DPP10: variants seen among roughly 807,000 people sequenced by gnomAD.
DPP10 encodes the protein inactive dipeptidyl peptidase 10.
Under a neutral mutation model 120.9 loss-of-function variants are expected in DPP10, and 33 were observed. The observed-to-expected ratio is 0.27, with a 90% CI of 0.21 to 0.37. The LOEUF (loss-of-function observed/expected upper bound fraction) is 0.37. DPP10 is among the 10% of genes least tolerant of loss of function. DPP10 has a pLI of 1.00. For synonymous variants in DPP10, 337 were observed against 326.1 expected (o/e 1.03, Z -0.36); for missense variants, 816 against 942.8 (o/e 0.87, Z 1.76).
At chr2:114,723,907 G>A (rs1024576773) in intron 1 of DPP10, among the ~76,000 whole-genome samples, 65 of 152,226 alleles carry the variant, frequency 4.3e-4, no homozygotes, top group African/African-American at 1.5e-3. Context: ...GGAAGTCACA[G>A]ACTTCAGCCC....
At chr2:115,781,759 G>A (rs560188903) in intron 16 of DPP10, among the ~76,000 whole-genome samples, 288 of 151,486 alleles carry the variant, frequency 1.9e-3, no homozygotes, top group Middle Eastern at 0.017. Flanking sequence ...AATGACACCA[G>A]GAAAAAAAAA....
chr2:115,535,210 T>C (rs886619948), intron 5 of DPP10, among the ~76,000 whole-genome samples: 2 of 151,886 alleles, frequency 1.3e-5, no homozygotes, highest in South Asian at 2.1e-4. Flanking sequence ...TGAATGGTAT[T>C]GCCTAGGTTT....
chr2:114,690,665 A>G (rs898895481), intron 1 of DPP10, among the ~76,000 whole-genome samples: 32 of 152,112 alleles, frequency 2.1e-4, no homozygotes, highest in African/African-American at 6.8e-4. Flanking sequence ...TCTATAAATT[A>G]CTTTGGGTAG....
At chr2:115,466,939 A>C (rs1013115125) in intron 3 of DPP10, among the ~76,000 whole-genome samples, 1 of 151,972 alleles carries the variant, frequency 6.6e-6, no homozygotes, top group Non-Finnish European at 1.5e-5. Flanking sequence ...TCTACCATTC[A>C]TTTTCTTTGA....
intron 3 of DPP10, among the ~76,000 whole-genome samples, chr2:115,492,052 AAAT>A (rs1265594216): frequency 6.6e-6 from 1 of 152,162 alleles, no homozygotes; most frequent in Non-Finnish European, 1.5e-5. Flanking sequence ...ATGCATTTCT[AAAT>A]AACGTCACAA....
chr2:115,177,455 TA>T, intron 1 of DPP10, among the ~76,000 whole-genome samples: 1 of 152,156 alleles, frequency 6.6e-6, no homozygotes, highest in African/African-American at 2.4e-5. Flanking sequence ...CTTCCAATTT[TA>T]AATAAAACAC....
intron 1 of DPP10, among the ~76,000 whole-genome samples, chr2:115,011,160 T>C (rs1355803554): frequency 6.6e-6 from 1 of 152,230 alleles, no homozygotes; most frequent in Non-Finnish European, 1.5e-5. Context: ...TAATTTTAAA[T>C]GTTTTAGATT....
At chr2:114,503,515 G>T (rs72951812) in intron 1 of DPP10, among the ~76,000 whole-genome samples, 7,339 of 152,228 alleles carry the variant, frequency 0.048, 599 homozygotes, top group African/African-American at 0.16. Context: ...GCATACTGAA[G>T]TGAAAGTCAG....
intron 1 of DPP10, among the ~76,000 whole-genome samples, chr2:114,718,116 C>A (rs1701472592): frequency 1.3e-5 from 2 of 151,576 alleles, no homozygotes; most frequent in Non-Finnish European, 2.9e-5. Flanking sequence ...CATAGTTCAA[C>A]ATAAAAATGA....
intron 1 of DPP10, among the ~76,000 whole-genome samples, chr2:114,921,384 C>T (rs977543836): frequency 6.6e-6 from 1 of 152,122 alleles, no homozygotes; most frequent in East Asian, 1.9e-4. Context: ...TTGTATAAAA[C>T]ACATGGGTAA....
chr2:114,515,701 G>A (rs1684537553), intron 1 of DPP10, among the ~76,000 whole-genome samples: 1 of 151,980 alleles, frequency 6.6e-6, no homozygotes, highest in Admixed American at 6.6e-5. Flanking sequence ...ATTAAAAATG[G>A]CTCTCCTCTT....
intron 5 of DPP10, among the ~76,000 whole-genome samples, chr2:115,671,577 A>G (rs2089871687): frequency 6.6e-6 from 1 of 151,996 alleles, no homozygotes; most frequent in Non-Finnish European, 1.5e-5. Flanking sequence ...AAAATATATT[A>G]TTAAAATAAA....
chr2:114,786,077 A>G (rs1682742489), intron 1 of DPP10, among the ~76,000 whole-genome samples: 1 of 152,228 alleles, frequency 6.6e-6, no homozygotes, highest in South Asian at 2.1e-4. Context: ...GAACAAGAGC[A>G]GCAGCTTAAT....
intron 5 of DPP10, among the ~76,000 whole-genome samples, chr2:115,597,775 A>G (rs1171257017): frequency 2.0e-5 from 3 of 151,998 alleles, no homozygotes; most frequent in Non-Finnish European, 4.4e-5. Context: ...CCAAAGGTCT[A>G]AAGCAGTCCT....
chr2:115,436,623 A>G (rs1302622680), intron 3 of DPP10, among the ~76,000 whole-genome samples: 1 of 151,876 alleles, frequency 6.6e-6, no homozygotes, highest in East Asian at 1.9e-4. Context: ...ATTGAGGCCC[A>G]TTTAGAATCT....
chr2:115,301,960 A>G (rs1322073830), intron 1 of DPP10, among the ~76,000 whole-genome samples: 3 of 152,008 alleles, frequency 2.0e-5, no homozygotes, highest in African/African-American at 4.8e-5. Context: ...ACTATAAATA[A>G]CTATCTGACA....
intron 1 of DPP10, among the ~76,000 whole-genome samples, chr2:115,194,988 C>T (rs1388171885): frequency 2.6e-5 from 4 of 152,122 alleles, no homozygotes; most frequent in Non-Finnish European, 5.9e-5. Context: ...TGGGTTTTGC[C>T]TGTCAGATAA....
chr2:115,810,086 C>T (rs375257043), intron 19 of DPP10, among the ~76,000 whole-genome samples: 3 of 151,652 alleles, frequency 2.0e-5, no homozygotes, highest in Middle Eastern at 3.4e-3. Flanking sequence ...TTGCTGAACC[C>T]GGGAGGCGGA....
At chr2:115,653,037 G>A (rs1165575108) in intron 5 of DPP10, among the ~76,000 whole-genome samples, 1 of 152,076 alleles carries the variant, frequency 6.6e-6, no homozygotes, top group Non-Finnish European at 1.5e-5. Flanking sequence ...GACACAGGGG[G>A]AAAGCACAAA....
Sources: allele counts gnomAD v4.1 joint callset (sites outside exome capture counted in the v4.1 genomes callset), GRCh38; gene constraint gnomAD v4.1.1; transcripts MANE v1.5; gene names NCBI Gene and HGNC (gene_info 2026-07-23, HGNC 2026-07-21).